Variants in SCHIP1 observed in about 807,000 individuals in gnomAD.
The protein encoded by SCHIP1 is schwannomin-interacting protein 1.
In SCHIP1, 8 loss-of-function variants were observed where a neutral mutation model predicts 29.7. That is an observed-to-expected ratio of 0.27 (90% confidence interval 0.16 to 0.49). The LOEUF is 0.49. SCHIP1 is among the 20% of genes least tolerant of loss of function. The pLI is 0.99. For synonymous variants in SCHIP1, 76 were observed against 94.9 expected, an observed-to-expected ratio of 0.80 and a Z score of 1.16; for missense variants, 193 against 294.6, an observed-to-expected ratio of 0.66 and a Z score of 2.52.
the SCHIP1 span, among the ~76,000 whole-genome samples, chr3:159,610,644 T>C: frequency 7.9e-5 from 12 of 152,322 alleles, no homozygotes; most frequent in Middle Eastern, 6.8e-3. Flanking sequence ...GACAATATTC[T>C]TGTAAAGCTG....
At chr3:159,574,539 G>T in the SCHIP1 span, among the ~76,000 whole-genome samples, 1 of 152,224 alleles carries the variant, frequency 6.6e-6, no homozygotes, top group African/African-American at 2.4e-5. Flanking sequence ...CTACTGGGAA[G>T]TGTCTCCCAG....
At chr3:159,586,980 G>T in the SCHIP1 span, among the ~76,000 whole-genome samples, 1 of 152,268 alleles carries the variant, frequency 6.6e-6, no homozygotes, top group Non-Finnish European at 1.5e-5. Context: ...GAGAGAGGAA[G>T]CTTCTCTCCA....
At chr3:159,883,516 T>G (rs1215771522) in intron 2 of SCHIP1, among the ~76,000 whole-genome samples, 2 of 152,164 alleles carry the variant, frequency 1.3e-5, no homozygotes, top group African/African-American at 4.8e-5. Flanking sequence ...ACTCATCCAT[T>G]CAGGCTGCTT....
chr3:159,826,920 G>A, the SCHIP1 span, among the ~76,000 whole-genome samples: 1 of 152,322 alleles, frequency 6.6e-6, no homozygotes, highest in African/African-American at 2.4e-5. Context: ...AATCTTCTGT[G>A]ACTGATGGTT....
At chr3:159,642,382 T>A in the SCHIP1 span, among the ~76,000 whole-genome samples, 1 of 152,052 alleles carries the variant, frequency 6.6e-6, no homozygotes, top group African/African-American at 2.4e-5. Flanking sequence ...TTTCTGCACC[T>A]CCTTCAGGTT....
At chr3:159,646,854 T>G in the SCHIP1 span, among the ~76,000 whole-genome samples, 5 of 151,956 alleles carry the variant, frequency 3.3e-5, no homozygotes, top group African/African-American at 1.2e-4. Flanking sequence ...AAGGCAGGCC[T>G]CAAGGCTGAG....
the SCHIP1 span, among the ~76,000 whole-genome samples, chr3:159,496,363 A>C: frequency 6.6e-6 from 1 of 152,164 alleles, no homozygotes; most frequent in African/African-American, 2.4e-5. Context: ...CATCTGACAA[A>C]GGGCTAACAT....
chr3:159,517,479 A>C, the SCHIP1 span, among the ~76,000 whole-genome samples: 7 of 152,138 alleles, frequency 4.6e-5, no homozygotes, highest in African/African-American at 1.7e-4. Context: ...TTTTTCAAAA[A>C]AATTTTGTGA....
At chr3:159,771,444 TGTTA>T in the SCHIP1 span, among the ~76,000 whole-genome samples, 6 of 152,266 alleles carry the variant, frequency 3.9e-5, no homozygotes, top group East Asian at 1.2e-3. Flanking sequence ...CACTTATTCC[TGTTA>T]GTTAGAGAGC....
chr3:159,417,525 CT>C, the SCHIP1 span, among the ~76,000 whole-genome samples: 1 of 152,192 alleles, frequency 6.6e-6, no homozygotes. Context: ...TATTATAAGT[CT>C]TCTTGGCATC....
At chr3:159,508,430 T>A in the SCHIP1 span, among the ~76,000 whole-genome samples, 211 of 152,318 alleles carry the variant, frequency 1.4e-3, no homozygotes, top group South Asian at 0.026. Flanking sequence ...CCTGGATTCA[T>A]TGATTTTTTG....
intron 1 of SCHIP1, among the ~76,000 whole-genome samples, chr3:159,841,069 C>CT (rs2109020281): frequency 6.6e-6 from 1 of 152,312 alleles, no homozygotes; most frequent in South Asian, 2.1e-4. Context: ...ACTCAACTGA[C>CT]TGAGTTTAGA....
chr3:159,301,074 G>C, the SCHIP1 span, among the ~76,000 whole-genome samples: 9 of 152,136 alleles, frequency 5.9e-5, no homozygotes, highest in Admixed American at 5.9e-4. Flanking sequence ...CATATTGATA[G>C]TACATAGTAC....
chr3:159,282,303 T>C, the SCHIP1 span, among the ~76,000 whole-genome samples: 1 of 152,046 alleles, frequency 6.6e-6, no homozygotes, highest in Non-Finnish European at 1.5e-5. Context: ...TCTTTTTTAG[T>C]TGTTGAGGCT....
At chr3:159,776,946 C>T in the SCHIP1 span, among the ~76,000 whole-genome samples, 2 of 152,054 alleles carry the variant, frequency 1.3e-5, no homozygotes, top group African/African-American at 2.4e-5. Context: ...GGGAGAGGAC[C>T]ATGGTGTCCT....
At chr3:159,713,273 AAAGAAAGAAAG>A in the SCHIP1 span, among the ~76,000 whole-genome samples, 4 of 151,450 alleles carry the variant, frequency 2.6e-5, no homozygotes, top group African/African-American at 9.7e-5. Flanking sequence ...AGAAAGAAAG[AAAGAAAGAAAG>A]AAAAAAGAAA....
chr3:159,584,448 G>A, the SCHIP1 span, among the ~76,000 whole-genome samples: 5 of 152,158 alleles, frequency 3.3e-5, no homozygotes, highest in African/African-American at 1.2e-4. Flanking sequence ...CTTATTCAAT[G>A]AAAGTAAAAC....
the SCHIP1 span, among the ~76,000 whole-genome samples, chr3:159,711,222 G>A: frequency 6.1e-5 from 5 of 81,338 alleles, no homozygotes; most frequent in Non-Finnish European, 8.2e-5. Flanking sequence ...TTAGCCGGGC[G>A]TAGTGGCGGG....
At chr3:159,539,867 T>C in the SCHIP1 span, among the ~76,000 whole-genome samples, 1 of 150,994 alleles carries the variant, frequency 6.6e-6, no homozygotes. Context: ...CATTGAGAAC[T>C]ATGGACACTA....
Sources: allele counts gnomAD v4.1 joint callset (sites outside exome capture counted in the v4.1 genomes callset), GRCh38; gene constraint gnomAD v4.1.1; transcripts MANE v1.5; gene names NCBI Gene and HGNC (gene_info 2026-07-23, HGNC 2026-07-21).